CMTM8: variants seen among roughly 807,000 people sequenced by gnomAD.
CMTM8 encodes CKLF like MARVEL transmembrane domain containing 8.
In CMTM8, 12 loss-of-function variants were observed where a neutral mutation model predicts 18.6. The observed-to-expected ratio is 0.65, with a 90% confidence interval of 0.41 to 1.05. The LOEUF is 1.05. Among genes scored for constraint, CMTM8 ranks in the 50% least tolerant of loss-of-function variants. The probability of loss-of-function intolerance (pLI) is 0.00; values close to 1 mark genes in which losing one functional copy is unlikely to be tolerated. For synonymous variants in CMTM8, 87 were observed against 90.6 expected (o/e 0.96, Z 0.23); for missense variants, 217 against 227.2 (o/e 0.95, Z 0.29).
At chr3:32,315,254 C>T (rs1320687950) in intron 1 of CMTM8, among the ~76,000 whole-genome samples, 3 of 151,924 alleles carry the variant, frequency 2.0e-5, no homozygotes, top group South Asian at 2.1e-4. Flanking sequence ...CTCAGCCTCC[C>T]GAGTAGCTGG....
At chr3:32,310,161 T>C (rs1480815568) in intron 1 of CMTM8, among the ~76,000 whole-genome samples, 1 of 152,178 alleles carries the variant, frequency 6.6e-6, no homozygotes, top group African/African-American at 2.4e-5. Flanking sequence ...AATTGTGGTT[T>C]TTTTTTTCTG....
chr3:32,293,820 G>C (rs1321625469), intron 1 of CMTM8, among the ~76,000 whole-genome samples: 1 of 152,244 alleles, frequency 6.6e-6, no homozygotes, highest in Non-Finnish European at 1.5e-5. Flanking sequence ...ACTCTAGCCT[G>C]GGTGACAGAG....
chr3:32,300,166 T>C (rs1161462208), intron 1 of CMTM8, among the ~76,000 whole-genome samples: 1 of 152,216 alleles, frequency 6.6e-6, no homozygotes, highest in East Asian at 1.9e-4. Flanking sequence ...GATAGCTGTG[T>C]GGAACTGTGG....
At chr3:32,336,432 C>T (rs535379960) in intron 1 of CMTM8, among the ~76,000 whole-genome samples, 9 of 152,360 alleles carry the variant, frequency 5.9e-5, no homozygotes, top group African/African-American at 2.2e-4. Context: ...GAAAAGAGTC[C>T]TTAGACCTGG....
chr3:32,269,823 G>T (rs1702409301), intron 1 of CMTM8, among the ~76,000 whole-genome samples: 1 of 152,102 alleles, frequency 6.6e-6, no homozygotes, highest in Non-Finnish European at 1.5e-5. Flanking sequence ...TGTTGCCCAG[G>T]CTGGAGTGCA....
At chr3:32,291,361 C>T (rs1367440137) in intron 1 of CMTM8, among the ~76,000 whole-genome samples, 4 of 150,926 alleles carry the variant, frequency 2.7e-5, no homozygotes, top group East Asian at 4.0e-4. Context: ...GGGATGGTCT[C>T]GATCTCCTGA....
At chr3:32,283,988 C>T (rs973705925) in intron 1 of CMTM8, among the ~76,000 whole-genome samples, 1 of 152,230 alleles carries the variant, frequency 6.6e-6, no homozygotes, top group Non-Finnish European at 1.5e-5. Flanking sequence ...CAGTGCCTCA[C>T]GCCTGTAATT....
At chr3:32,308,343 T>C (rs1305178355) in intron 1 of CMTM8, among the ~76,000 whole-genome samples, 1 of 152,238 alleles carries the variant, frequency 6.6e-6, no homozygotes, top group Admixed American at 6.5e-5. Flanking sequence ...GAGTTGTCTT[T>C]ATAGAGAAAA....
intron 1 of CMTM8, among the ~76,000 whole-genome samples, chr3:32,286,431 G>A (rs1013517486): frequency 1.3e-5 from 2 of 152,120 alleles, no homozygotes; most frequent in Non-Finnish European, 1.5e-5. Flanking sequence ...ACTGCTGGCC[G>A]CTGGGGTAAA....
At chr3:32,324,241 G>A (rs1161615789) in intron 1 of CMTM8, among the ~76,000 whole-genome samples, 3 of 151,948 alleles carry the variant, frequency 2.0e-5, no homozygotes, top group Non-Finnish European at 2.9e-5. Flanking sequence ...TAGAGGTCTG[G>A]TTGTGAAGTC....
At chr3:32,311,183 A>G (rs1352299944) in intron 1 of CMTM8, among the ~76,000 whole-genome samples, 1 of 152,244 alleles carries the variant, frequency 6.6e-6, no homozygotes, top group Admixed American at 6.5e-5. Context: ...GCAAGCTAAG[A>G]ATGACTTTTA....
At chr3:32,345,416 T>C (rs577029523) in intron 1 of CMTM8, among the ~76,000 whole-genome samples, 5 of 152,260 alleles carry the variant, frequency 3.3e-5, no homozygotes, top group East Asian at 1.9e-4. Context: ...CCATTCCAAA[T>C]AGAAGCAAGC....
At position 32,349,642 on chromosome 3, in the gene CMTM8, C is replaced by T. The variant is rs73069458; in HGVS notation, c.148-7731C>T. Among the ~76,000 whole-genome samples, 9 of 152,068 alleles carry T rather than the reference C, an allele frequency of 5.9e-5. No homozygotes were observed. In the South Asian group the frequency reaches 6.2e-4, roughly 11 times the overall value. On this transcript the variant is annotated intron_variant, in intron 1 of 3. Coordinates refer to ENST00000307526, the MANE Select transcript of CMTM8 (RefSeq NM_178868.5). ...GGAGCACAGCTGCTGGCATCAAGTACGTAGAGGACAGGGAAGCTGCTATAC... is the reference window on the plus strand; with the variant it reads ...GGAGCACAGCTGCTGGCATCAAGTATGTAGAGGACAGGGAAGCTGCTATAC...
At chr3:32,312,386 C>T (rs1189199075) in intron 1 of CMTM8, among the ~76,000 whole-genome samples, 2 of 152,210 alleles carry the variant, frequency 1.3e-5, no homozygotes, top group Non-Finnish European at 2.9e-5. Context: ...ACCCCCACCT[C>T]AGGTACAATC....
chr3:32,363,999 C>T (rs1696983071), intron 2 of CMTM8, among the ~76,000 whole-genome samples: 1 of 152,194 alleles, frequency 6.6e-6, no homozygotes, highest in Admixed American at 6.6e-5. Flanking sequence ...GTGTCTCTTC[C>T]ACCAATGTGT....
intron 1 of CMTM8, among the ~76,000 whole-genome samples, chr3:32,258,056 G>A (rs570084761): frequency 6.6e-6 from 1 of 152,148 alleles, no homozygotes; most frequent in South Asian, 2.1e-4. Flanking sequence ...GAGGGAGGGG[G>A]GCTTTAAATG....
rs368959765 is a variant in CMTM8 at position 32,313,159 on chromosome 3, A to T, written c.148-44214A>T. Among the ~76,000 whole-genome samples, 13 of 151,936 alleles carry T rather than the reference A, an allele frequency of 8.6e-5. No individual in the cohort carries two copies. The South Asian group carries it at 2.7e-3, about 32-fold the overall frequency. On this transcript the variant is annotated intron_variant, in intron 1 of 3. Coordinates refer to ENST00000307526, the MANE Select transcript of CMTM8 (RefSeq NM_178868.5). ...CACTGATGGAGACAGGAGGCAGCCA[A>T]CTCCTGCCCCTGGTGAAACCCCACC...
At chr3:32,293,588 G>T (rs778111251) in intron 1 of CMTM8, among the ~76,000 whole-genome samples, 1 of 152,134 alleles carries the variant, frequency 6.6e-6, no homozygotes, top group Non-Finnish European at 1.5e-5. Context: ...ACTCACATCT[G>T]TAATCCCAGC....
At chr3:32,359,835 C>T (rs1199235084) in intron 2 of CMTM8, among the ~76,000 whole-genome samples, 1 of 152,180 alleles carries the variant, frequency 6.6e-6, no homozygotes, top group Non-Finnish European at 1.5e-5. Flanking sequence ...AATTTATTAT[C>T]GTAAGGTGTG....
Sources: gnomAD v4.1 joint callset for allele counts (sites outside exome capture counted in the v4.1 genomes callset) on GRCh38, gnomAD v4.1.1 for gene constraint, MANE v1.5 for transcripts, NCBI Gene and HGNC (gene_info 2026-07-23, HGNC 2026-07-21) for gene names.